Variants in PTER observed in about 807,000 individuals in gnomAD.
PTER encodes the protein phosphotriesterase related.
A neutral mutation model predicts 29.6 loss-of-function variants in PTER; 38 were observed. The observed-to-expected ratio is 1.28, with a 90% CI of 0.99 to 1.68. The LOEUF (loss-of-function observed/expected upper bound fraction) is 1.68. PTER is among the 40% of genes most tolerant of loss of function. The pLI is 0.00. For synonymous variants in PTER, 172 were observed against 154.5 expected (o/e 1.11, Z -0.84); for missense variants, 482 against 427.8 (o/e 1.13, Z -1.12).
At chr10:16,453,689 T>C (rs540190623) in intron 1 of PTER, among the ~76,000 whole-genome samples, 24 of 152,374 alleles carry the variant, frequency 1.6e-4, no homozygotes, top group African/African-American at 4.8e-4. Flanking sequence ...GTTTGCCTAA[T>C]GGGACATCAG....
chr10:16,497,838 C>G (rs997638650), intron 3 of PTER, among the ~76,000 whole-genome samples: 2 of 152,138 alleles, frequency 1.3e-5, no homozygotes, highest in African/African-American at 4.8e-5. Context: ...AATCACCTGT[C>G]TTGCATTATA....
intron 3 of PTER, among the ~76,000 whole-genome samples, chr10:16,497,401 C>G (rs1313918009): frequency 2.6e-5 from 4 of 152,148 alleles, no homozygotes; most frequent in Non-Finnish European, 4.4e-5. Flanking sequence ...GCACATTTAA[C>G]TATAATTATT....
chr10:16,511,153 T>C lies in PTER; in HGVS notation c.947T>C (p.Ile316Thr). ...MKYGGHGYSH[I>T]LTNVVPKMLL... ...TATGGAGGTCACGGCTATTCTCATA[T>C]ACTCACCAATGTTGTTCCTAAAATG... is the stretch of plus-strand genomic sequence containing the variant. The change falls in exon 5 of 5, where the codon ATA becomes ACA. Residue 316 changes from isoleucine (I) to threonine (T), a missense_variant. Coordinates refer to ENST00000535784, the MANE Select transcript of PTER (RefSeq NM_001261836.2). The C allele has an allele frequency of 6.2e-7, 1 of 1,614,170 alleles. No individual in the cohort carries two copies. The highest frequency in any genetic ancestry group is 1.1e-5 in the South Asian group (1 of 91,078).
intron 1 of PTER, among the ~76,000 whole-genome samples, chr10:16,439,469 C>T (rs373476020): frequency 6.6e-6 from 1 of 152,174 alleles, no homozygotes; most frequent in Non-Finnish European, 1.5e-5. Context: ...TGACCGTGTA[C>T]TCAGTGCCAG....
intron 4 of PTER, among the ~76,000 whole-genome samples, chr10:16,508,235 A>AT (rs1029518803): frequency 7.3e-5 from 11 of 151,276 alleles, no homozygotes; most frequent in Non-Finnish European, 1.5e-4. Context: ...CGCCCGGCTA[A>AT]TTTTTTGTAT....
At chr10:16,471,034 A>T (rs541783795) in intron 1 of PTER, among the ~76,000 whole-genome samples, 1 of 152,354 alleles carries the variant, frequency 6.6e-6, no homozygotes, top group African/African-American at 2.4e-5. Context: ...GATACGAATT[A>T]TTCAGGCCAT....
At chr10:16,450,736 C>T (rs1834176669) in intron 1 of PTER, among the ~76,000 whole-genome samples, 1 of 152,178 alleles carries the variant, frequency 6.6e-6, no homozygotes, top group Non-Finnish European at 1.5e-5. Flanking sequence ...AATCCCTGAA[C>T]TCATCCTTTG....
chr10:16,501,357 ACACACACACACATG>A (rs1427034809), intron 3 of PTER, among the ~76,000 whole-genome samples: 4 of 115,038 alleles, frequency 3.5e-5, no homozygotes, highest in African/African-American at 8.3e-5. Flanking sequence ...ACACACACAC[ACACACACACACATG>A]CACACACACA....
chr10:16,444,350 TG>T (rs1188409881), intron 1 of PTER, among the ~76,000 whole-genome samples: 1 of 151,726 alleles, frequency 6.6e-6, no homozygotes, highest in Non-Finnish European at 1.5e-5. Flanking sequence ...AGTGTGGTGG[TG>T]ATCATAGCTC....
At chr10:16,463,944 A>C (rs772610078) in intron 1 of PTER, among the ~76,000 whole-genome samples, 12 of 152,132 alleles carry the variant, frequency 7.9e-5, no homozygotes, top group Non-Finnish European at 1.8e-4. Context: ...TGGGAACAAT[A>C]ATAATAAAAG....
intron 4 of PTER, among the ~76,000 whole-genome samples, chr10:16,509,185 T>C (rs1390145303): frequency 1.3e-5 from 2 of 152,214 alleles, no homozygotes; most frequent in Non-Finnish European, 2.9e-5. Context: ...TGTTCTTCCA[T>C]ATAATGGCAC....
At chr10:16,480,669 T>C (rs951690214) in intron 1 of PTER, among the ~76,000 whole-genome samples, 1 of 152,206 alleles carries the variant, frequency 6.6e-6, no homozygotes, top group African/African-American at 2.4e-5. Context: ...TGGAAAGTCC[T>C]ACCCTCTGCA....
At position 16,496,743 on chromosome 10, in the gene PTER, G is replaced by A. The variant is rs1047733245; in HGVS notation, c.699-8277G>A. 2.0e-5 allele frequency among the ~76,000 whole-genome samples: 3 copies of A among 152,100 alleles called. No individual in the cohort carries two copies. The East Asian group carries it at 5.8e-4, about 29-fold the overall frequency. On this transcript the variant is annotated intron_variant, in intron 3 of 4. Coordinates refer to ENST00000535784, the MANE Select transcript of PTER (RefSeq NM_001261836.2). Reference sequence around the variant, plus strand: ...CCAAGATGGGACTGGTGTTATTTGTGTTTGCTTTCCCAGCTCATGGCTGAT... The same window carrying A: ...CCAAGATGGGACTGGTGTTATTTGTATTTGCTTTCCCAGCTCATGGCTGAT...
At chr10:16,490,423 T>C (rs985114665) in intron 3 of PTER, among the ~76,000 whole-genome samples, 1 of 151,800 alleles carries the variant, frequency 6.6e-6, no homozygotes, top group Non-Finnish European at 1.5e-5. Flanking sequence ...ATAAAGGGAG[T>C]AGCCCTTTAT....
At chr10:16,508,061 T>A (rs1450125393) in intron 4 of PTER, among the ~76,000 whole-genome samples, 1 of 130,852 alleles carries the variant, frequency 7.6e-6, no homozygotes, top group Non-Finnish European at 1.6e-5. Flanking sequence ...TTTTTCTTTT[T>A]TTCTTTTTCT....
intron 1 of PTER, among the ~76,000 whole-genome samples, chr10:16,467,237 T>C (rs549667318): frequency 6.6e-6 from 1 of 152,360 alleles, no homozygotes; most frequent in East Asian, 1.9e-4. Context: ...CATATTGTTA[T>C]AATTCTTCTA....
intron 3 of PTER, 62 bp from the exon 4 acceptor site, chr10:16,504,958 A>G: frequency 6.3e-7 from 1 of 1,580,046 alleles, no homozygotes. Flanking sequence ...TAAAACTTCT[A>G]GTATGTACAT....
intron 2 of PTER, 99 bp from the exon 3 acceptor site, chr10:16,486,253 A>G (rs113486031): frequency 6.2e-6 from 8 of 1,295,672 alleles, no homozygotes; most frequent in Non-Finnish European, 8.4e-6. Flanking sequence ...TTTTAAAAGA[A>G]TGAATGACAA....
chr10:16,474,761 C>T (rs887665031), intron 1 of PTER, among the ~76,000 whole-genome samples: 1 of 152,018 alleles, frequency 6.6e-6, no homozygotes, highest in Non-Finnish European at 1.5e-5. Flanking sequence ...GTGGCGTGCA[C>T]CTGTAATCCC....
Sources: allele counts gnomAD v4.1 joint callset (sites outside exome capture counted in the v4.1 genomes callset), GRCh38; gene constraint gnomAD v4.1.1; transcripts MANE v1.5; gene names NCBI Gene and HGNC (gene_info 2026-07-23, HGNC 2026-07-21).